PTPRG: variants seen among roughly 807,000 people sequenced by gnomAD.
PTPRG encodes the protein receptor-type tyrosine-protein phosphatase gamma.
A neutral mutation model predicts 165.3 loss-of-function variants in PTPRG; 102 were observed. The observed-to-expected ratio is 0.62, with a 90% CI of 0.53 to 0.73. The LOEUF (loss-of-function observed/expected upper bound fraction) is 0.73, where lower values mean the gene tolerates loss of function less well. Among genes scored for constraint, PTPRG ranks in the 30% least tolerant of loss-of-function variants. PTPRG has a pLI of 0.00. For missense variants in PTPRG, 1,866 were observed against 1,861.4 expected (o/e 1.00, Z -0.05); for synonymous variants, 675 against 669.5 (o/e 1.01, Z -0.13).
chr3:61,685,768 C>T (rs1364137837), intron 1 of PTPRG, among the ~76,000 whole-genome samples: 1 of 152,190 alleles, frequency 6.6e-6, no homozygotes, highest in African/African-American at 2.4e-5. Context: ...ATTTCCTACA[C>T]AGCATTTTAT....
chr3:61,789,991 C>T (rs2034821468), intron 2 of PTPRG, among the ~76,000 whole-genome samples: 1 of 152,166 alleles, frequency 6.6e-6, no homozygotes, highest in African/African-American at 2.4e-5. Context: ...GCAGCTGTTT[C>T]CTGGTACCAT....
At chr3:62,079,175 A>G (rs1450339044) in intron 5 of PTPRG, among the ~76,000 whole-genome samples, 1 of 152,134 alleles carries the variant, frequency 6.6e-6, no homozygotes, top group Non-Finnish European at 1.5e-5. Flanking sequence ...TCTTGTTTGG[A>G]GTATGTTAAT....
At chr3:61,994,325 T>G (rs2040968574) in intron 3 of PTPRG, among the ~76,000 whole-genome samples, 1 of 152,192 alleles carries the variant, frequency 6.6e-6, no homozygotes, top group African/African-American at 2.4e-5. Context: ...TTTTATTTTA[T>G]TTTTTTAAAC....
chr3:61,673,181 A>G (rs1703095697), intron 1 of PTPRG, among the ~76,000 whole-genome samples: 1 of 152,120 alleles, frequency 6.6e-6, no homozygotes, highest in Non-Finnish European at 1.5e-5. Context: ...TGGAAGAAAA[A>G]AGATAAAACA....
chr3:61,972,703 G>T (rs1429509598), intron 2 of PTPRG, among the ~76,000 whole-genome samples: 2 of 150,824 alleles, frequency 1.3e-5, no homozygotes, highest in East Asian at 3.9e-4. Flanking sequence ...CCCAGGGTGG[G>T]GTACAGTCGC....
In PTPRG at chr3:62,213,513, C is replaced by T. The variant is rs1700416497; in HGVS notation, c.2156-5338C>T. ...ATCTTTTTTCATCCTCAGGACTCCC[C>T]GAGAGGTGAGTGTTACCATTTGTCT... On this transcript the variant is annotated intron_variant, in intron 12 of 29. Transcript: ENST00000474889. The surrounding 1 kb of genome is among the most constrained non-coding windows in gnomAD (Gnocchi z 4.4). Among the ~76,000 whole-genome samples, 2 of 152,116 alleles carry T rather than the reference C, an allele frequency of 1.3e-5. No individual in the cohort carries two copies. Among genetic ancestry groups the T allele is most frequent in the Non-Finnish European group, 2.9e-5 (2 of 68,018 alleles).
intron 5 of PTPRG, among the ~76,000 whole-genome samples, chr3:62,113,940 G>T (rs1702763432): frequency 6.6e-6 from 1 of 152,134 alleles, no homozygotes; most frequent in Non-Finnish European, 1.5e-5. Flanking sequence ...AAAAAATACT[G>T]ATATGTTGTA....
Position 61,738,315 on chromosome 3 carries a change from T to C in PTPRG, c.86-10563T>C, listed in dbSNP as rs1349511401. ...ATATATATATATATATATATATACA[T>C]ATATATATATATATATATATATGTA... is the stretch of plus-strand genomic sequence containing the variant. On this transcript the variant is annotated intron_variant, in intron 1 of 29. Transcript: ENST00000474889. Among the ~76,000 whole-genome samples the C allele has an allele frequency of 4.5e-4, 47 of 104,198 alleles. 1 individual carries two copies. The East Asian group carries it at 9.9e-3, about 22-fold the overall frequency. The allele number at this position is 104,198 out of a possible 152,430, so 68.4% of individuals were successfully genotyped here. A position where few individuals can be genotyped will look rare whatever the true frequency, so the allele number is the denominator to read the frequency against.
chr3:61,769,903 A>AG (rs1466060770), intron 2 of PTPRG: 3 of 152,204 alleles, frequency 2.0e-5, no homozygotes, highest in African/African-American at 7.2e-5. Flanking sequence ...CTGGGGAGTC[A>AG]GGGGCAGACT....
Position 62,240,700 on chromosome 3 carries a change from C to G in PTPRG, c.2376-3107C>G, listed in dbSNP as rs541147950. Among the ~76,000 whole-genome samples the G allele has an allele frequency of 6.6e-6, 1 of 152,288 alleles. No individual in the cohort carries two copies. The highest frequency in any genetic ancestry group is 2.1e-4 in the South Asian group (1 of 4,828). On this transcript the variant is annotated intron_variant, in intron 14 of 29. Transcript: ENST00000474889. The surrounding 1 kb of genome is among the most constrained non-coding windows in gnomAD (Gnocchi z 5.1). ...CCAGTTTCCTAAAATGCACCAAGCT[C>G]CCTCTGCTCTAAGGCTCTTCAACTA...
intron 12 of PTPRG, among the ~76,000 whole-genome samples, chr3:62,215,999 CTTGAGGTCAGGAGT>C (rs1380216834): frequency 1.3e-5 from 2 of 152,124 alleles, no homozygotes; most frequent in Admixed American, 1.3e-4. Flanking sequence ...GGGAGGATCA[CTTGAGGTCAGGAGT>C]TTGAGGGCAG....
intron 1 of PTPRG, among the ~76,000 whole-genome samples, chr3:61,697,651 C>G (rs2030684227): frequency 6.6e-6 from 1 of 152,130 alleles, no homozygotes; most frequent in Non-Finnish European, 1.5e-5. Context: ...GTATTCAGTC[C>G]CATTCAGTTT....
At chr3:62,006,469 AT>A in intron 4 of PTPRG, among the ~76,000 whole-genome samples, 1 of 152,300 alleles carries the variant, frequency 6.6e-6, no homozygotes, top group South Asian at 2.1e-4. Flanking sequence ...TTCTTTTCAT[AT>A]AACTACATTG....
chr3:62,111,534 G>A (rs990214504), intron 5 of PTPRG, among the ~76,000 whole-genome samples: 6 of 152,120 alleles, frequency 3.9e-5, no homozygotes, highest in African/African-American at 1.4e-4. Context: ...ACTGCAGCCT[G>A]GAGCCTCCTA....
At chr3:61,564,522 T>C (rs1343179079) in intron 1 of PTPRG, among the ~76,000 whole-genome samples, 3 of 152,288 alleles carry the variant, frequency 2.0e-5, no homozygotes, top group Middle Eastern at 3.4e-3. Flanking sequence ...ATAGCCCCTT[T>C]CCTGGTCCGG....
intron 2 of PTPRG, among the ~76,000 whole-genome samples, chr3:61,843,218 C>G (rs1212014549): frequency 6.6e-6 from 1 of 152,050 alleles, no homozygotes; most frequent in East Asian, 1.9e-4. Context: ...CCATCTGAAG[C>G]AAGAACCATC....
At chr3:61,562,907 A>G (rs1470459300) in intron 1 of PTPRG, among the ~76,000 whole-genome samples, 1 of 150,974 alleles carries the variant, frequency 6.6e-6, no homozygotes, top group African/African-American at 2.4e-5. Context: ...AGGACTGAGG[A>G]TGTGTGGGGA....
rs917670541 is a variant in PTPRG, at chr3:62,229,040, C to G, written c.2289-2185C>G. Among the ~76,000 whole-genome samples, 2 of 151,990 alleles carry G rather than the reference C, an allele frequency of 1.3e-5. No individual in the cohort carries two copies. Among genetic ancestry groups the G allele is most frequent in the African/African-American group, 2.4e-5 (1 of 41,376 alleles). ...ATCATTAGGAATAATTTTTACAGTT[C>G]AGCTTTTCAAAGCCTGACAATGTGT... is the stretch of plus-strand genomic sequence containing the variant. On this transcript the variant is annotated intron_variant, in intron 13 of 29. Transcript: ENST00000474889. The surrounding 1 kb of genome is among the most constrained non-coding windows in gnomAD (Gnocchi z 4.6).
chr3:61,933,050 G>A (rs769072888), intron 2 of PTPRG, among the ~76,000 whole-genome samples: 38 of 152,296 alleles, frequency 2.5e-4, no homozygotes, highest in Admixed American at 4.6e-4. Flanking sequence ...GCAAAACTGA[G>A]CACAGCCTCT....
Sources: allele counts gnomAD v4.1 joint callset (sites outside exome capture counted in the v4.1 genomes callset), GRCh38; gene constraint gnomAD v4.1.1; non-coding constraint Gnocchi (gnomAD v3.1); transcripts MANE v1.5; gene names NCBI Gene and HGNC (gene_info 2026-07-23, HGNC 2026-07-21).